The following CADPS variants were observed in gnomAD, a reference collection of about 807,000 sequenced individuals.
CADPS encodes calcium dependent secretion activator, also known as calcium-dependent secretion activator 1.
CADPS carries 57 observed loss-of-function variants against 167.3 expected under a neutral mutation model. That is an observed-to-expected ratio of 0.34 (90% confidence interval 0.28 to 0.42). The LOEUF (loss-of-function observed/expected upper bound fraction) is 0.42. CADPS is among the 20% of genes least tolerant of loss of function. CADPS has a pLI of 1.00. For synonymous variants in CADPS, 676 were observed against 635.3 expected, an observed-to-expected ratio of 1.06 and a Z score of -0.96; for missense variants, 1,414 against 1,738.1, an observed-to-expected ratio of 0.81 and a Z score of 3.32.
At chr3:62,783,048 T>A (rs563646186) in intron 1 of CADPS, among the ~76,000 whole-genome samples, 1 of 152,126 alleles carries the variant, frequency 6.6e-6, no homozygotes, top group Non-Finnish European at 1.5e-5. Context: ...GCGTGAGCCA[T>A]TGCACCTGGC....
chr3:62,600,106 GC>G (rs1342459839), intron 6 of CADPS, among the ~76,000 whole-genome samples: 1 of 147,564 alleles, frequency 6.8e-6, no homozygotes, highest in Admixed American at 7.0e-5. Context: ...AGGTGTGACT[GC>G]CCCTTTCAAC....
intron 3 of CADPS, among the ~76,000 whole-genome samples, chr3:62,743,752 A>G (rs1032352941): frequency 1.3e-5 from 2 of 152,192 alleles, no homozygotes; most frequent in African/African-American, 4.8e-5. Context: ...AACAAACCTA[A>G]GTAGTCTCCA....
At chr3:62,794,493 G>T (rs1362054888) in intron 1 of CADPS, among the ~76,000 whole-genome samples, 1 of 152,118 alleles carries the variant, frequency 6.6e-6, no homozygotes. Context: ...AGTGGAGCAG[G>T]TAGTGTTCGA....
At chr3:62,609,104 T>A (rs1379759452) in intron 6 of CADPS, among the ~76,000 whole-genome samples, 2 of 152,164 alleles carry the variant, frequency 1.3e-5, no homozygotes, top group Non-Finnish European at 2.9e-5. Context: ...TCAATGCATT[T>A]GACAATAACA....
intron 5 of CADPS, among the ~76,000 whole-genome samples, chr3:62,648,127 T>C (rs376097615): frequency 1.3e-5 from 2 of 152,192 alleles, no homozygotes; most frequent in South Asian, 4.1e-4. Context: ...CAATCCTTTC[T>C]CCCTCTTCTT....
chr3:62,751,811 C>T (rs746663057), intron 3 of CADPS, among the ~76,000 whole-genome samples: 1 of 151,608 alleles, frequency 6.6e-6, no homozygotes, highest in Non-Finnish European at 1.5e-5. Context: ...TTCTATTTCG[C>T]AAAAAAGATT....
intron 4 of CADPS, among the ~76,000 whole-genome samples, chr3:62,654,505 G>A (rs1259253867): frequency 2.0e-5 from 3 of 152,070 alleles, no homozygotes; most frequent in African/African-American, 7.2e-5. Flanking sequence ...AAATACTGTA[G>A]GCAACCATGA....
chr3:62,431,636 C>T (rs535540131), intron 28 of CADPS, among the ~76,000 whole-genome samples: 10 of 151,090 alleles, frequency 6.6e-5, no homozygotes, highest in Middle Eastern at 3.4e-3. Context: ...AAGTCAAGAT[C>T]ATGAAAAAAG....
chr3:62,449,619 A>C (rs1211630985), intron 26 of CADPS, among the ~76,000 whole-genome samples: 1 of 152,240 alleles, frequency 6.6e-6, no homozygotes, highest in East Asian at 1.9e-4. Flanking sequence ...AAATCCAAGC[A>C]TGCACCAGGC....
At chr3:62,654,059 C>T (rs1480657339) in intron 4 of CADPS, among the ~76,000 whole-genome samples, 1 of 152,188 alleles carries the variant, frequency 6.6e-6, no homozygotes, top group Non-Finnish European at 1.5e-5. Flanking sequence ...TTCTCTAAAA[C>T]TTCCTGCACA....
chr3:62,469,027 G>T lies in CADPS; in HGVS notation c.3478-2614C>A, dbSNP rs916146349. ...ACTATGATTAATAGATTAACATAGT[G>T]GTTGCATGTGTATATACATTTCTCT... On this transcript the variant is annotated intron_variant, in intron 24 of 29. Coordinates refer to ENST00000383710, the MANE Select transcript of CADPS (RefSeq NM_003716.4). Among the ~76,000 whole-genome samples, 3 of 152,130 alleles carry T rather than the reference G, an allele frequency of 2.0e-5. No individual in the cohort carries two copies. In the East Asian group the frequency reaches 5.8e-4, roughly 29 times the overall value.
At chr3:62,675,988 A>G (rs2076280325) in intron 3 of CADPS, among the ~76,000 whole-genome samples, 1 of 135,822 alleles carries the variant, frequency 7.4e-6, no homozygotes, top group Non-Finnish European at 1.6e-5. Context: ...CTCAGAAGGA[A>G]CAAAAACGTA....
At chr3:62,822,010 A>G (rs939082085) in intron 1 of CADPS, among the ~76,000 whole-genome samples, 2 of 151,888 alleles carry the variant, frequency 1.3e-5, no homozygotes, top group Non-Finnish European at 2.9e-5. Flanking sequence ...GCTTCATCTC[A>G]TGACCATCCA....
intron 6 of CADPS, among the ~76,000 whole-genome samples, chr3:62,623,503 A>G (rs2063496545): frequency 6.6e-6 from 1 of 152,212 alleles, no homozygotes; most frequent in Non-Finnish European, 1.5e-5. Flanking sequence ...CCATCAGGAA[A>G]TATACTACAC....
intron 6 of CADPS, among the ~76,000 whole-genome samples, chr3:62,627,533 G>T (rs1034106528): frequency 4.3e-4 from 66 of 152,178 alleles, no homozygotes; most frequent in African/African-American, 1.5e-3. Context: ...TATTGGTGTT[G>T]TAAGTATAGA....
chr3:62,484,549 T>G (rs2150924046), intron 21 of CADPS, among the ~76,000 whole-genome samples: 1 of 152,220 alleles, frequency 6.6e-6, no homozygotes, highest in Middle Eastern at 3.4e-3. Context: ...GCATTAAAAT[T>G]TACACTCTTT....
At chr3:62,467,481 A>C (rs2060075547) in intron 24 of CADPS, among the ~76,000 whole-genome samples, 1 of 152,192 alleles carries the variant, frequency 6.6e-6, no homozygotes, top group South Asian at 2.1e-4. Context: ...GATAACTGGC[A>C]ATCAGAATTA....
intron 21 of CADPS, among the ~76,000 whole-genome samples, chr3:62,488,556 G>A (rs2063191727): frequency 6.6e-6 from 1 of 151,842 alleles, no homozygotes; most frequent in Admixed American, 6.6e-5. Context: ...ACAGTGGCAG[G>A]ATCATGGCTC....
chr3:62,818,568 C>T (rs1043724145), intron 1 of CADPS, among the ~76,000 whole-genome samples: 1 of 152,180 alleles, frequency 6.6e-6, no homozygotes, highest in Admixed American at 6.5e-5. Flanking sequence ...GCAACCGTAA[C>T]TCTCATGCAT....
Sources: gnomAD v4.1 joint callset for allele counts (sites outside exome capture counted in the v4.1 genomes callset) on GRCh38, gnomAD v4.1.1 for gene constraint, MANE v1.5 for transcripts, NCBI Gene and HGNC (gene_info 2026-07-23, HGNC 2026-07-21) for gene names.